Variants in EYA2 observed in about 807,000 individuals in gnomAD.
The protein encoded by EYA2 is protein phosphatase EYA2.
EYA2 carries 31 observed loss-of-function variants against 69.2 expected under a neutral mutation model. The ratio of observed to expected loss-of-function variants is 0.45; its 90% CI spans 0.34 to 0.60. EYA2 has a LOEUF of 0.60. EYA2 is among the 20% of genes least tolerant of loss of function. The pLI, the probability that EYA2 is intolerant of heterozygous loss-of-function variation, is 0.02. For missense variants in EYA2, 622 were observed against 701.2 expected (o/e 0.89, Z 1.28); for synonymous variants, 257 against 279.4 (o/e 0.92, Z 0.80).
At chr20:47,074,562 T>G (rs2031440128) in intron 7 of EYA2, among the ~76,000 whole-genome samples, 1 of 152,236 alleles carries the variant, frequency 6.6e-6, no homozygotes, top group South Asian at 2.1e-4. Flanking sequence ...TTGGCCTGTT[T>G]GTGCATGTGT....
At chr20:47,149,801 G>A (rs1458555495) in intron 10 of EYA2, among the ~76,000 whole-genome samples, 2 of 151,492 alleles carry the variant, frequency 1.3e-5, no homozygotes, top group Non-Finnish European at 2.9e-5. Flanking sequence ...GCAGTGAGCC[G>A]AGATCACACC....
At chr20:47,073,775 A>G (rs1206815) in intron 6 of EYA2, among the ~76,000 whole-genome samples, 123,794 of 151,932 alleles carry the variant, frequency 0.81, 50,952 homozygotes, top group African/African-American at 0.93. Flanking sequence ...TGCAGCTCTC[A>G]AAGACCAACA....
chr20:47,014,762 G>GTA (rs1983309427), intron 4 of EYA2, among the ~76,000 whole-genome samples: 1 of 151,480 alleles, frequency 6.6e-6, no homozygotes, highest in Admixed American at 6.6e-5. Context: ...ATATATGTGT[G>GTA]TATATATACA....
chr20:46,965,076 A>G (rs1287637032), intron 1 of EYA2, among the ~76,000 whole-genome samples: 1 of 152,142 alleles, frequency 6.6e-6, no homozygotes, highest in East Asian at 1.9e-4. Context: ...CAGGGTTCGA[A>G]TCCGCCTCTG....
intron 12 of EYA2, among the ~76,000 whole-genome samples, chr20:47,176,828 G>A (rs1470805539): frequency 6.7e-6 from 1 of 149,756 alleles, no homozygotes; most frequent in Non-Finnish European, 1.5e-5. Flanking sequence ...GTCTCACTCT[G>A]CCACCTAGGC....
intron 1 of EYA2, among the ~76,000 whole-genome samples, chr20:46,896,325 G>T (rs977108609): frequency 5.3e-5 from 8 of 151,496 alleles, no homozygotes; most frequent in African/African-American, 1.7e-4. Context: ...GACCATAATA[G>T]ATACAGAACT....
intron 5 of EYA2, among the ~76,000 whole-genome samples, chr20:47,035,392 A>G (rs750129028): frequency 1.3e-5 from 2 of 152,128 alleles, no homozygotes; most frequent in Non-Finnish European, 2.9e-5. Flanking sequence ...ACCCCCTCCC[A>G]TAGCCACACA....
chr20:47,099,051 C>T (rs2032349547), intron 9 of EYA2, among the ~76,000 whole-genome samples: 1 of 152,152 alleles, frequency 6.6e-6, no homozygotes, highest in Admixed American at 6.5e-5. Flanking sequence ...GGAATTCAGG[C>T]AAGGAGGGAA....
chr20:47,128,998 C>T (rs971249990), intron 9 of EYA2, among the ~76,000 whole-genome samples: 3 of 152,156 alleles, frequency 2.0e-5, no homozygotes, highest in African/African-American at 7.2e-5. Context: ...GTGGCATGTG[C>T]CCATAGTCCC....
In EYA2 at chr20:47,049,253, G is replaced by A. The variant is rs80248255; in HGVS notation, c.416-22932G>A. ...TGTGAACCTCTTACATAACCATCGG[G>A]CAGTGATCAGAACTAGAAAAATGAC... is the stretch of plus-strand genomic sequence containing the variant. On this transcript the variant is annotated intron_variant, in intron 5 of 15. Transcript: ENST00000327619. Among the ~76,000 whole-genome samples the A allele has an allele frequency of 7.1e-3, 1,074 of 152,268 alleles. 13 individuals carry two copies. Among genetic ancestry groups the A allele is most frequent in the African/African-American group, 0.025 (1,024 of 41,546 alleles).
intron 5 of EYA2, among the ~76,000 whole-genome samples, chr20:47,041,326 T>G (rs1233069305): frequency 6.6e-6 from 1 of 152,204 alleles, no homozygotes; most frequent in Non-Finnish European, 1.5e-5. Flanking sequence ...TACCTGCACA[T>G]AGTACAGAGG....
chr20:47,072,829 A>G (rs1420896491), intron 6 of EYA2, among the ~76,000 whole-genome samples: 1 of 152,158 alleles, frequency 6.6e-6, no homozygotes, highest in African/African-American at 2.4e-5. Context: ...AATTATTTCA[A>G]AACAAAAGGT....
intron 1 of EYA2, among the ~76,000 whole-genome samples, chr20:46,987,956 CTCTCTCTCTATA>C (rs1479811002): frequency 8.1e-4 from 30 of 37,260 alleles, no homozygotes; most frequent in East Asian, 7.7e-3. Context: ...CTCTCTCTCT[CTCTCTCTCTATA>C]TATATATATA....
rs542771644 is a variant in EYA2 at position 47,081,793 on chromosome 20, A to G, written c.662-7446A>G. ...GACCTTGTCTCAAAAAAAAAAAAAAAGAAGAAAGAAAAAAAGAGAGAGAGA... is the reference window on the plus strand; with the variant it reads ...GACCTTGTCTCAAAAAAAAAAAAAAGGAAGAAAGAAAAAAAGAGAGAGAGA... On this transcript the variant is annotated intron_variant, in intron 7 of 15. Coordinates refer to ENST00000327619, the MANE Select transcript of EYA2 (RefSeq NM_005244.5). Among the ~76,000 whole-genome samples the G allele has an allele frequency of 8.8e-3, 1,281 of 144,972 alleles. 18 individuals carry two copies. The highest frequency in any genetic ancestry group is 0.029 in the African/African-American group (1,128 of 39,558).
At chr20:46,900,301 T>A (rs563353775) in intron 1 of EYA2, among the ~76,000 whole-genome samples, 1 of 152,256 alleles carries the variant, frequency 6.6e-6, no homozygotes, top group African/African-American at 2.4e-5. Context: ...AACTTACTTT[T>A]GTCTCGCGTC....
intron 10 of EYA2, among the ~76,000 whole-genome samples, chr20:47,157,047 G>A (rs1044321821): frequency 4.6e-5 from 7 of 151,904 alleles, no homozygotes; most frequent in African/African-American, 7.2e-5. Flanking sequence ...GATCAGCAAC[G>A]TGCAACAACA....
intron 9 of EYA2, among the ~76,000 whole-genome samples, chr20:47,111,283 C>T (rs1434037120): frequency 6.6e-6 from 1 of 151,786 alleles, no homozygotes; most frequent in African/African-American, 2.4e-5. Context: ...TCATAGTTTA[C>T]TACCTGGCTT....
At chr20:47,126,980 C>T (rs1346597134) in intron 9 of EYA2, among the ~76,000 whole-genome samples, 4 of 152,146 alleles carry the variant, frequency 2.6e-5, no homozygotes. Flanking sequence ...TATATAATTA[C>T]TCAGACTTTT....
At chr20:46,943,658 G>A (rs1986246808) in intron 1 of EYA2, among the ~76,000 whole-genome samples, 1 of 152,162 alleles carries the variant, frequency 6.6e-6, no homozygotes, top group Non-Finnish European at 1.5e-5. Context: ...CTCCCTGAAG[G>A]ATTTCAAGCA....
Sources: allele counts gnomAD v4.1 joint callset (sites outside exome capture counted in the v4.1 genomes callset), GRCh38; gene constraint gnomAD v4.1.1; transcripts MANE v1.5; gene names NCBI Gene and HGNC (gene_info 2026-07-23, HGNC 2026-07-21).